ADCY2: variants seen among roughly 807,000 people sequenced by gnomAD.
ADCY2 encodes adenylate cyclase 2.
A neutral mutation model predicts 125.2 loss-of-function variants in ADCY2; 31 were observed. The ratio of observed to expected loss-of-function variants is 0.25; its 90% confidence interval spans 0.19 to 0.33. ADCY2 has a LOEUF of 0.33. ADCY2 is among the 10% of genes least tolerant of loss of function. The pLI, the probability that ADCY2 is intolerant of heterozygous loss-of-function variation, is 1.00. For synonymous variants in ADCY2, 512 were observed against 548.4 expected (o/e 0.93, Z 0.93); for missense variants, 904 against 1,418.2 (o/e 0.64, Z 5.82).
chr5:7,530,568 A>C (rs914024934), intron 3 of ADCY2, among the ~76,000 whole-genome samples: 1 of 151,674 alleles, frequency 6.6e-6, no homozygotes, highest in African/African-American at 2.4e-5. Context: ...TTTAAATGAC[A>C]CATCTCAGAG....
intron 1 of ADCY2, among the ~76,000 whole-genome samples, chr5:7,408,103 C>T (rs1388489007): frequency 6.6e-6 from 1 of 151,764 alleles, no homozygotes; most frequent in Non-Finnish European, 1.5e-5. Flanking sequence ...ATCTCCTGAC[C>T]TCGTGATCTG....
intron 20 of ADCY2, chr5:7,797,307 A>G (rs1246316500): frequency 6.6e-6 from 1 of 152,244 alleles, no homozygotes; most frequent in African/African-American, 2.4e-5. Flanking sequence ...ATGCAGCCCA[A>G]GTCAGTGAGA....
At position 7,676,331 on chromosome 5, in the gene ADCY2, C is replaced by T. The variant is rs1015520698; in HGVS notation, c.721-14360C>T. Among the ~76,000 whole-genome samples, 8 of 152,262 alleles carry T rather than the reference C, an allele frequency of 5.3e-5. 1 individual carries two copies. The highest frequency in any genetic ancestry group is 5.2e-4 in the Admixed American group (8 of 15,286). ...TAAGTAAAATCACTAAATAGATAGT[C>T]ACTAAATAGAGAACAGAACAGTCCC... On this transcript the variant is annotated intron_variant, in intron 4 of 24. Transcript: ENST00000338316.
intron 20 of ADCY2, chr5:7,794,317 G>C (rs1344386627): frequency 6.6e-6 from 1 of 152,156 alleles, no homozygotes; most frequent in Non-Finnish European, 1.5e-5. Context: ...GCCATTGTAA[G>C]ACTTGGGGAC....
intron 19 of ADCY2, 130 bp from the exon 20 acceptor site, chr5:7,789,512 G>T (rs1261729120): frequency 4.4e-5 from 36 of 826,942 alleles, no homozygotes; most frequent in Non-Finnish European, 5.9e-5. Flanking sequence ...TTTATGGGGA[G>T]GGTGGAAGTT....
At chr5:7,803,351 A>T (rs1744658148) in intron 21 of ADCY2, among the ~76,000 whole-genome samples, 1 of 152,210 alleles carries the variant, frequency 6.6e-6, no homozygotes, top group Non-Finnish European at 1.5e-5. Flanking sequence ...ATCCTGGAGG[A>T]ATCTCCTCTG....
chr5:7,763,054 TG>T (rs1349951229), intron 16 of ADCY2, among the ~76,000 whole-genome samples: 13 of 106,318 alleles, frequency 1.2e-4, no homozygotes, highest in African/African-American at 4.0e-4. Context: ...TTGTTTTTTT[TG>T]TTTGTTTGTT....
At chr5:7,438,528 C>G (rs1232080460) in intron 2 of ADCY2, among the ~76,000 whole-genome samples, 2 of 152,112 alleles carry the variant, frequency 1.3e-5, no homozygotes, top group Non-Finnish European at 2.9e-5. Context: ...CCAACATCTA[C>G]TATAAAGAGA....
Position 7,802,450 on chromosome 5 carries a change from AT to A in ADCY2, c.2775+87del. 6.8e-7 allele frequency: 1 copy of A among 1,465,622 alleles called. No individual in the cohort carries two copies. Among genetic ancestry groups the A allele is most frequent in the South Asian group, 1.4e-5 (1 of 70,258 alleles). The allele number at this position is 1,465,622 out of a possible 1,614,324, so 90.8% of individuals were successfully genotyped here. On this transcript the variant is annotated intron_variant, in intron 21 of 24. Coordinates refer to ENST00000338316, the MANE Select transcript of ADCY2 (RefSeq NM_020546.3). The surrounding 1 kb of genome is among the most constrained non-coding windows in gnomAD (Gnocchi z 4.6). ...TGAAGTTACTTCAGGATAGTGGCCT[AT>A]CCCAAAAAAACTTGTCCTTTGGCAT... is the stretch of plus-strand genomic sequence containing the variant.
rs567978334 is a variant in ADCY2 at position 7,486,187 on chromosome 5, A to G, written c.409-34551A>G. Reference sequence around the variant, plus strand: ...GCCCGACTGTCGCTATCTCTTCATTATAGTGCTGTTGCAAATTTTAAAGAG... The same window carrying G: ...GCCCGACTGTCGCTATCTCTTCATTGTAGTGCTGTTGCAAATTTTAAAGAG... On this transcript the variant is annotated intron_variant, in intron 2 of 24. Transcript: ENST00000338316. Among the ~76,000 whole-genome samples the G allele has an allele frequency of 4.6e-5, 7 of 152,342 alleles. No individual in the cohort carries two copies. In the South Asian group the frequency reaches 8.3e-4, roughly 18 times the overall value.
chr5:7,626,431 GA>G, intron 4 of ADCY2, 115 bp downstream of exon 4: 1 of 1,229,242 alleles, frequency 8.1e-7, no homozygotes, highest in Non-Finnish European at 1.1e-6. Context: ...AATCAGAGAA[GA>G]AACCCTGGGC....
At chr5:7,717,447 C>G (rs1467835773) in intron 12 of ADCY2, among the ~76,000 whole-genome samples, 1 of 152,048 alleles carries the variant, frequency 6.6e-6, no homozygotes, top group East Asian at 1.9e-4. Context: ...AAAATATTCC[C>G]AAGTTGATTG....
chr5:7,771,925 G>C (rs1461647375), intron 17 of ADCY2, among the ~76,000 whole-genome samples: 1 of 152,166 alleles, frequency 6.6e-6, no homozygotes, highest in Non-Finnish European at 1.5e-5. Context: ...TTCTAGGAAT[G>C]CTGAGATAGA....
At chr5:7,513,819 A>G (rs1744165085) in intron 2 of ADCY2, among the ~76,000 whole-genome samples, 1 of 152,206 alleles carries the variant, frequency 6.6e-6, no homozygotes, top group South Asian at 2.1e-4. Flanking sequence ...TGTAAATACA[A>G]TGGTATTTCT....
chr5:7,549,250 T>C (rs1579562553), intron 3 of ADCY2, among the ~76,000 whole-genome samples: 2 of 152,178 alleles, frequency 1.3e-5, no homozygotes, highest in Non-Finnish European at 2.9e-5. Context: ...TTGTGGATAG[T>C]GGGCTGCAGT....
chr5:7,520,426 T>C (rs144132477), intron 2 of ADCY2, among the ~76,000 whole-genome samples: 20 of 152,292 alleles, frequency 1.3e-4, no homozygotes, highest in African/African-American at 4.1e-4. Context: ...GAATCCTCAG[T>C]GCATGTTCTA....
chr5:7,770,469 G>A (rs1743520934), intron 17 of ADCY2, among the ~76,000 whole-genome samples: 1 of 152,166 alleles, frequency 6.6e-6, no homozygotes, highest in Non-Finnish European at 1.5e-5. Flanking sequence ...AAACAGAGCT[G>A]TTCCAAAAAC....
intron 2 of ADCY2, among the ~76,000 whole-genome samples, chr5:7,471,454 A>G (rs558960805): frequency 3.9e-5 from 6 of 152,064 alleles, no homozygotes; most frequent in African/African-American, 1.4e-4. Context: ...CCCTTAAATA[A>G]TTTTATGTCC....
rs28411812 is a variant in ADCY2, at chr5:7,543,067, A to G, written c.570+22168A>G. ...CTTTTTTATATCCTGTAACTTGAAT[A>G]TTGTGCTATCATTAATACATCCTAT... On this transcript the variant is annotated intron_variant, in intron 3 of 24. Transcript: ENST00000338316. Among the ~76,000 whole-genome samples the G allele has an allele frequency of 2.3e-3, 351 of 152,300 alleles. 1 individual carries two copies. Among genetic ancestry groups the G allele is most frequent in the African/African-American group, 8.0e-3 (334 of 41,558 alleles).
Sources: gnomAD v4.1 joint callset for allele counts (sites outside exome capture counted in the v4.1 genomes callset) on GRCh38, gnomAD v4.1.1 for gene constraint, Gnocchi (gnomAD v3.1) non-coding constraint, MANE v1.5 for transcripts, NCBI Gene and HGNC (gene_info 2026-07-23, HGNC 2026-07-21) for gene names.